DOT1L: variants seen among roughly 807,000 people sequenced by gnomAD.
DOT1L encodes the protein DOT1 like histone lysine methyltransferase, also known as histone-lysine N-methyltransferase, H3 lysine-79 specific.
In DOT1L, 33 loss-of-function variants were observed where a neutral mutation model predicts 153.3. The ratio of observed to expected loss-of-function variants is 0.22; its 90% CI spans 0.16 to 0.29. DOT1L has a LOEUF of 0.29. Among genes scored for constraint, DOT1L ranks in the 10% least tolerant of loss-of-function variants. The pLI, the probability that DOT1L is intolerant of heterozygous loss-of-function variation, is 1.00. For synonymous variants in DOT1L, 1,135 were observed against 965.1 expected, an observed-to-expected ratio of 1.18 and a Z score of -3.26; for missense variants, 1,847 against 2,119.9, an observed-to-expected ratio of 0.87 and a Z score of 2.53.
Position 2,220,257 on chromosome 19 carries a change from T to G in DOT1L, c.2806+35T>G. The G allele has an allele frequency of 1.4e-6, 2 of 1,481,292 alleles. No individual in the cohort carries two copies. Among genetic ancestry groups the G allele is most frequent in the Non-Finnish European group, 9.3e-7 (1 of 1,077,876 alleles). 91.8% of individuals were successfully genotyped at this position (1,481,292 alleles called of 1,614,324 possible). ...CTCCTGTGCCCTACCCTCAGGACTC[T>G]GCTGCTGCTGCTGCTCTTCAGGCAG... is the stretch of plus-strand genomic sequence containing the variant. On this transcript the variant is annotated intron_variant, in intron 23 of 27. Coordinates refer to ENST00000398665, the MANE Select transcript of DOT1L (RefSeq NM_032482.3). This position sits in a 1 kb window ranked among gnomAD's most constrained non-coding sequence, Gnocchi z 4.5.
At chr19:2,168,541 G>A (rs78069541) in intron 1 of DOT1L, among the ~76,000 whole-genome samples, 1 of 152,184 alleles carries the variant, frequency 6.6e-6, no homozygotes, top group Non-Finnish European at 1.5e-5. Flanking sequence ...GCAAACGCAA[G>A]GGGGAGGAAG....
intron 22 of DOT1L, among the ~76,000 whole-genome samples, chr19:2,219,426 C>A (rs2144887133): frequency 6.6e-6 from 1 of 152,348 alleles, no homozygotes; most frequent in East Asian, 1.9e-4. Flanking sequence ...GGCCCCCGAA[C>A]ACGCTCATGT....
At position 2,220,228 on chromosome 19, in the gene DOT1L, G is replaced by A. The variant is rs535777073; in HGVS notation, c.2806+6G>A. 14 of 1,610,648 alleles carry A rather than the reference G, an allele frequency of 8.7e-6. No individual in the cohort carries two copies. Among genetic ancestry groups the A allele is most frequent in the Middle Eastern group, 1.6e-4 (1 of 6,062 alleles). ...CCTTGCCCTGGCCCCCGCAGGTAAC[G>A]CCCCTCCTGTGCCCTACCCTCAGGA... On this transcript the variant is annotated splice_donor_region_variant and intron_variant, in intron 23 of 27. Coordinates refer to ENST00000398665, the MANE Select transcript of DOT1L (RefSeq NM_032482.3). The surrounding 1 kb of genome is among the most constrained non-coding windows in gnomAD (Gnocchi z 4.5).
chr19:2,211,935 A>C, intron 16 of DOT1L, 93 bp downstream of exon 16: 1 of 1,233,388 alleles, frequency 8.1e-7, no homozygotes, highest in Non-Finnish European at 1.1e-6. Flanking sequence ...GAGGCCCTGG[A>C]GCGCAGGCCT....
intron 1 of DOT1L, 81 bp downstream of exon 1, chr19:2,164,346 C>A: frequency 2.0e-6 from 2 of 992,482 alleles, no homozygotes; most frequent in Non-Finnish European, 2.6e-6. Flanking sequence ...CCCCCCCAAG[C>A]CGCGCTCACC....
intron 6 of DOT1L, among the ~76,000 whole-genome samples, chr19:2,194,160 G>A (rs186283938): frequency 4.6e-5 from 7 of 151,982 alleles, no homozygotes; most frequent in African/African-American, 1.7e-4. Context: ...AGAGTTTGTT[G>A]TTGTTTTTTT....
At chr19:2,228,385 A>C in intron 27 of DOT1L, 1 of 1,287,056 alleles carries the variant, frequency 7.8e-7, no homozygotes, top group East Asian at 4.7e-5. Flanking sequence ...TGTGTAAGGT[A>C]AGGCCAGAGC....
intron 8 of DOT1L, among the ~76,000 whole-genome samples, chr19:2,202,174 A>G (rs1420512800): frequency 1.3e-5 from 2 of 152,230 alleles, no homozygotes; most frequent in African/African-American, 2.4e-5. Flanking sequence ...GGCCTGGGAA[A>G]GCAGTGCTGG....
At chr19:2,219,695 A>G (rs1051845983) in intron 22 of DOT1L, among the ~76,000 whole-genome samples, 1 of 152,096 alleles carries the variant, frequency 6.6e-6, no homozygotes, top group Non-Finnish European at 1.5e-5. Flanking sequence ...GGGGAAGTGC[A>G]GTGGGTGGTG....
rs11548482 is a variant in DOT1L at position 2,231,058 on chromosome 19, G to A, written c.*1266G>A. On this transcript the variant is annotated 3_prime_UTR_variant, in exon 28 of 28. Transcript: ENST00000398665. ...GTGCCTGGGACTGGGTGTGGAAGGA[G>A]AGGAGCTGAGGCCGGGGTGTAGCAG... The A allele has an allele frequency of 0.04, 9,299 of 234,378 alleles. 249 individuals are homozygous for A. The highest frequency in any genetic ancestry group is 0.1 in the East Asian group (1,658 of 16,500). 14.5% of individuals were successfully genotyped at this position (234,378 alleles called of 1,614,324 possible). A position where few individuals can be genotyped will look rare whatever the true frequency, so the allele number is the denominator to read the frequency against.
In DOT1L at chr19:2,193,566, A is replaced by AT; in HGVS notation, c.494-123_494-122insT. 3 of 811,934 alleles carry AT rather than the reference A, an allele frequency of 3.7e-6. No individual in the cohort carries two copies. The highest frequency in any genetic ancestry group is 6.0e-6 in the Non-Finnish European group (3 of 500,656). The allele number at this position is 811,934 out of a possible 1,614,324, so 50.3% of individuals were successfully genotyped here. On this transcript the variant is annotated intron_variant, in intron 5 of 27. Coordinates refer to ENST00000398665, the MANE Select transcript of DOT1L (RefSeq NM_032482.3). This position sits in a 1 kb window ranked among gnomAD's most constrained non-coding sequence, Gnocchi z 5.9. Reference sequence around the variant, plus strand: ...CTTGGAGCATCGGATATGTGTGGAGACTGTGGCCTCCCCTGTGGGTCTTCA... The same window carrying AT: ...CTTGGAGCATCGGATATGTGTGGAGATCTGTGGCCTCCCCTGTGGGTCTTCA...
rs1341220353 is a variant in DOT1L, at chr19:2,232,450, G to T, written c.*2658G>T. 1 of 223,008 alleles carries T rather than the reference G, an allele frequency of 4.5e-6. No individual in the cohort carries two copies. Among genetic ancestry groups the T allele is most frequent in the African/African-American group, 2.2e-5 (1 of 44,592 alleles). The allele number at this position is 223,008 out of a possible 1,614,324, so 13.8% of individuals were successfully genotyped here. The stretch of plus-strand genomic sequence containing the variant: ...GGAGGCTCTGCCGTGTCTTCCGGGT[G>T]AACTGTATTTGGATTGCGCGCATTG... On this transcript the variant is annotated 3_prime_UTR_variant, in exon 28 of 28. Coordinates refer to ENST00000398665, the MANE Select transcript of DOT1L (RefSeq NM_032482.3).
intron 1 of DOT1L, among the ~76,000 whole-genome samples, chr19:2,173,325 T>C (rs1020276298): frequency 6.6e-6 from 1 of 152,176 alleles, no homozygotes; most frequent in Non-Finnish European, 1.5e-5. Flanking sequence ...AGGAGAGTTC[T>C]GGTCAGCGCG....
Position 2,231,397 on chromosome 19 carries a change from C to T in DOT1L, c.*1605C>T, listed in dbSNP as rs907128628. ...ACCACGTGGCCTCCAAAGGGAGCCA[C>T]GGAGGAAAGGCTTCTGTGGTTGCTA... On this transcript the variant is annotated 3_prime_UTR_variant, in exon 28 of 28. Transcript: ENST00000398665. The T allele has an allele frequency of 1.5e-5, 3 of 204,580 alleles. No individual in the cohort carries two copies. Among genetic ancestry groups the T allele is most frequent in the African/African-American group, 4.6e-5 (2 of 43,590 alleles). The allele number at this position is 204,580 out of a possible 1,614,324, so 12.7% of individuals were successfully genotyped here.
intron 1 of DOT1L, among the ~76,000 whole-genome samples, chr19:2,165,069 G>T (rs1213930288): frequency 4.6e-5 from 7 of 152,232 alleles, no homozygotes; most frequent in Non-Finnish European, 7.3e-5. Context: ...AGAAACCCGC[G>T]TGCGGCTCCC....
In DOT1L at chr19:2,217,847, G is replaced by A. The variant is rs2144877900; in HGVS notation, c.2620G>A (p.Val874Met). The A allele has an allele frequency of 1.2e-6, 2 of 1,611,684 alleles. No homozygotes were observed. Among genetic ancestry groups the A allele is most frequent in the Non-Finnish European group, 1.7e-6 (2 of 1,179,382 alleles). ...SLPISIPLST[V>M]QPNKLPVSIP... ...GCCCATCAGCATCCCGCTCAGCACC[G>A]TGCAGCCCAACAAGCTCCCGGTCAG... Residue 874 changes from valine to methionine, a missense_variant, in exon 22 of 28, where the codon GTG becomes ATG. Physicochemically the swap from Val to Met is conservative, Grantham distance 21. Transcript: ENST00000398665. This position sits in a 1 kb window ranked among gnomAD's most constrained non-coding sequence, Gnocchi z 7.3.
intron 27 of DOT1L, chr19:2,227,544 C>T: frequency 1.6e-6 from 1 of 609,780 alleles, no homozygotes; most frequent in Non-Finnish European, 2.5e-6. Context: ...GGCCCTGGGG[C>T]TGCTGCGGGG....
intron 7 of DOT1L, among the ~76,000 whole-genome samples, chr19:2,199,126 C>T (rs999042592): frequency 6.6e-6 from 1 of 152,234 alleles, no homozygotes; most frequent in Non-Finnish European, 1.5e-5. Flanking sequence ...TGTCCAGATG[C>T]TACCGTGTTG....
chr19:2,185,608 A>C (rs530301050), intron 2 of DOT1L, among the ~76,000 whole-genome samples: 2 of 152,208 alleles, frequency 1.3e-5, no homozygotes, highest in Non-Finnish European at 1.5e-5. Flanking sequence ...GTCTCTACTA[A>C]AAATACAAAA....
Sources: allele counts gnomAD v4.1 joint callset (sites outside exome capture counted in the v4.1 genomes callset), GRCh38; gene constraint gnomAD v4.1.1; non-coding constraint Gnocchi (gnomAD v3.1); transcripts MANE v1.5; gene names NCBI Gene and HGNC (gene_info 2026-07-23, HGNC 2026-07-21).